The following TPM4 variants were observed in gnomAD, a reference collection of about 807,000 sequenced individuals.
The protein encoded by TPM4 is tropomyosin alpha-4 chain.
TPM4 carries 17 observed loss-of-function variants against 35.8 expected under a neutral mutation model. The ratio of observed to expected loss-of-function variants is 0.47; its 90% confidence interval spans 0.32 to 0.71. TPM4 has a LOEUF of 0.71. Ranked by LOEUF, TPM4 falls within the 30% of genes least tolerant of loss-of-function variation. TPM4 has a pLI of 0.03. For missense variants in TPM4, 240 were observed against 320.9 expected, an observed-to-expected ratio of 0.75 and a Z score of 1.93; for synonymous variants, 120 against 122.9, an observed-to-expected ratio of 0.98 and a Z score of 0.15.
rs187896420 is a variant in TPM4 at position 16,096,611 on chromosome 19, G to A, written c.664+2858G>A. Reference sequence around the variant, plus strand: ...GTGAGTGTGGTGACTGGGGCTTCCCGTGGCTTTACTCTTCACTGTTCATCC... The same window carrying A: ...GTGAGTGTGGTGACTGGGGCTTCCCATGGCTTTACTCTTCACTGTTCATCC... On this transcript the variant is annotated intron_variant, in intron 7 of 7. Coordinates refer to ENST00000643579, the MANE Select transcript of TPM4 (RefSeq NM_003290.3). 4.0e-4 allele frequency among the ~76,000 whole-genome samples: 61 copies of A among 152,190 alleles called. 1 individual carries two copies. In the East Asian group the frequency reaches 4.6e-3, roughly 12 times the overall value.
At chr19:16,092,061 C>G (rs1379029666) in intron 5 of TPM4, among the ~76,000 whole-genome samples, 1 of 151,718 alleles carries the variant, frequency 6.6e-6, no homozygotes, top group Non-Finnish European at 1.5e-5. Context: ...GGCCCAGCTA[C>G]TTGGGAGGCT....
intron 1 of TPM4, among the ~76,000 whole-genome samples, chr19:16,079,436 A>C (rs925524697): frequency 1.3e-5 from 2 of 152,238 alleles, no homozygotes; most frequent in South Asian, 4.1e-4. Flanking sequence ...GCAATTAAAA[A>C]GAATGAAAGG....
chr19:16,087,948 A>T, intron 3 of TPM4, 79 bp from the exon 4 acceptor site: 1 of 1,485,764 alleles, frequency 6.7e-7, no homozygotes, highest in South Asian at 1.2e-5. Context: ...GTGGGGCATC[A>T]TTGGGGGCTG....
intron 1 of TPM4, chr19:16,077,835 C>T (rs780264064): frequency 3.9e-6 from 1 of 253,390 alleles, no homozygotes; most frequent in Non-Finnish European, 7.4e-6. Flanking sequence ...GATCTCGGCT[C>T]GCTGCAACCT....
chr19:16,099,323 C>T (rs1454479452), intron 7 of TPM4, among the ~76,000 whole-genome samples: 1 of 150,814 alleles, frequency 6.6e-6, no homozygotes, highest in African/African-American at 2.4e-5. Flanking sequence ...ATCAAGGATC[C>T]ATGGTGTCTC....
At chr19:16,076,095 G>A (rs775144688), upstream of TPM4, 8 of 1,605,386 alleles carry the variant, frequency 5.0e-6, no homozygotes, top group South Asian at 2.2e-5. Flanking sequence ...AGGGACAGAG[G>A]ACGAGCTGGA....
In TPM4 at chr19:16,070,925, T is replaced by C. The variant is rs1568296976; in HGVS notation, c.114+3187T>C. 6.6e-6 allele frequency among the ~76,000 whole-genome samples: 1 copy of C among 152,166 alleles called. No homozygotes were observed. The highest frequency in any genetic ancestry group is 1.5e-5 in the Non-Finnish European group (1 of 68,028). ...TCTAGCCATCATTTAGCCCTCACCA[T>C]GAGGGACTTAGCCAGAGATTCGGAG... On this transcript the variant is annotated intron_variant, in intron 2 of 2. Transcript: ENST00000589897. The surrounding 1 kb of genome is among the most constrained non-coding windows in gnomAD (Gnocchi z 7.4).
intron 1 of TPM4, chr19:16,081,394 T>A: frequency 1.5e-5 from 3 of 203,728 alleles, no homozygotes; most frequent in East Asian, 1.0e-4. Flanking sequence ...ACTGGGACAC[T>A]CGCTTTTTTT....
In TPM4 at chr19:16,067,664, G is replaced by T; in HGVS notation, c.40G>T (p.Asp14Tyr). Residue 14 changes from aspartate (D) to tyrosine (Y), a missense_variant, in exon 2 of 3, where the codon GAC (aspartate) becomes TAC (tyrosine). Coordinates refer to the TPM4 transcript ENST00000589897. The surrounding 1 kb of genome is among the most constrained non-coding windows in gnomAD (Gnocchi z 4.1). ...GAAGAAAATGCAGATGCTGAAGTTG[G>T]ACAAGGAGAATGCCATCGACCGCGC... The T allele has an allele frequency of 1.2e-6, 2 of 1,613,734 alleles. No individual in the cohort carries two copies. Among genetic ancestry groups the T allele is most frequent in the Non-Finnish European group, 8.5e-7 (1 of 1,179,884 alleles).
At chr19:16,078,040 T>C in intron 1 of TPM4, 1 of 397,218 alleles carries the variant, frequency 2.5e-6, no homozygotes. Flanking sequence ...CCCAAAGTTC[T>C]GGGATTACAA....
chr19:16,097,047 G>A (rs1280381666), intron 7 of TPM4, among the ~76,000 whole-genome samples: 7 of 137,886 alleles, frequency 5.1e-5, no homozygotes, highest in African/African-American at 1.9e-4. Context: ...TCCGCCTCCT[G>A]GGTTCAAGTG....
chr19:16,088,873 C>G (rs2090591320), intron 4 of TPM4, 172 bp from the exon 5 acceptor site: 1 of 1,426,982 alleles, frequency 7.0e-7, no homozygotes, highest in African/African-American at 1.4e-5. Context: ...TTGATAAGCC[C>G]ATAGTATCAC....
chr19:16,092,826 G>A (rs943193759), intron 5 of TPM4, among the ~76,000 whole-genome samples: 5 of 152,002 alleles, frequency 3.3e-5, no homozygotes, highest in South Asian at 2.1e-4. Context: ...GTGAGCCACC[G>A]TGCCTGGCCT....
At position 16,102,079 on chromosome 19, in the gene TPM4, G is replaced by A. The variant is rs540499828; in HGVS notation, c.*733G>A. 3.4e-4 allele frequency: 68 copies of A among 202,448 alleles called. No individual in the cohort carries two copies. The highest frequency in any genetic ancestry group is 1.8e-4 in the Admixed American group (3 of 16,682). 12.5% of individuals were successfully genotyped at this position (202,448 alleles called of 1,614,324 possible). A position where few individuals can be genotyped will look rare whatever the true frequency, so the allele number is the denominator to read the frequency against. ...CTAAAGTTGTTCCCTGGCCGGGAGC[G>A]TTGGCTTTCGCCTGTAATCCCAACA... On this transcript the variant is annotated 3_prime_UTR_variant, in exon 8 of 8. Coordinates refer to ENST00000643579, the MANE Select transcript of TPM4 (RefSeq NM_003290.3).
chr19:16,087,902 A>T, intron 3 of TPM4, 125 bp from the exon 4 acceptor site: 4 of 1,009,426 alleles, frequency 4.0e-6, no homozygotes, highest in Non-Finnish European at 6.0e-6. Context: ...AAGAAACACC[A>T]GAAAAACCCA....
chr19:16,080,794 G>A (rs1231056667), intron 1 of TPM4: 3 of 349,884 alleles, frequency 8.6e-6, no homozygotes, highest in African/African-American at 4.2e-5. Context: ...TGGTGACGGC[G>A]CAAGACTCCA....
At position 16,093,525 on chromosome 19, in the gene TPM4, TTC is replaced by T; in HGVS notation, c.532-8_532-7del. ...CCTTTTCTTAAAGCAGTGTTTTGGT[TTC>T]TCCCACAGTATTCTGAAAAGGAGGA... is the stretch of plus-strand genomic sequence containing the variant. On this transcript the variant is annotated splice_polypyrimidine_tract_variant and intron_variant, in intron 5 of 7. Transcript: ENST00000643579. The T allele has an allele frequency of 6.2e-7, 1 of 1,613,984 alleles. No individual in the cohort carries two copies. The highest frequency in any genetic ancestry group is 8.5e-7 in the Non-Finnish European group (1 of 1,180,018).
chr19:16,072,797 C>T (rs568834613), upstream of TPM4, among the ~76,000 whole-genome samples: 3 of 152,004 alleles, frequency 2.0e-5, no homozygotes, highest in East Asian at 5.8e-4. Flanking sequence ...ATCCCAGCTA[C>T]TAGGGAGGTT....
chr19:16,068,602 T>C (rs2090321632), intron 2 of TPM4, among the ~76,000 whole-genome samples: 1 of 152,216 alleles, frequency 6.6e-6, no homozygotes, highest in Non-Finnish European at 1.5e-5. Context: ...TGAGCGTGTG[T>C]CTGTGTGTAT....
Sources: allele counts gnomAD v4.1 joint callset (sites outside exome capture counted in the v4.1 genomes callset), GRCh38; gene constraint gnomAD v4.1.1; non-coding constraint Gnocchi (gnomAD v3.1); transcripts MANE v1.5; gene names NCBI Gene and HGNC (gene_info 2026-07-23, HGNC 2026-07-21).